The following PTPRE variants were observed in gnomAD, a reference collection of about 807,000 sequenced individuals.
PTPRE encodes the protein protein tyrosine phosphatase receptor type E.
PTPRE carries 51 observed loss-of-function variants against 102.0 expected under a neutral mutation model. The observed-to-expected ratio is 0.50, with a 90% CI of 0.40 to 0.63. PTPRE has a LOEUF of 0.63. Among genes scored for constraint, PTPRE ranks in the 30% least tolerant of loss-of-function variants. PTPRE has a pLI of 0.00. For missense variants in PTPRE, 752 were observed against 915.1 expected (o/e 0.82, Z 2.30); for synonymous variants, 345 against 348.2 (o/e 0.99, Z 0.10).
chr10:128,039,769 C>T (rs1485452681), intron 2 of PTPRE, among the ~76,000 whole-genome samples: 1 of 120,302 alleles, frequency 8.3e-6, no homozygotes. Flanking sequence ...TGACCTTGGA[C>T]GGGGTTCAGG....
intron 10 of PTPRE, 141 bp downstream of exon 10, chr10:128,063,321 G>A (rs1849778546): frequency 1.4e-6 from 2 of 1,425,436 alleles, no homozygotes; most frequent in African/African-American, 1.4e-5. Flanking sequence ...CACATGCAGT[G>A]GCTTACAGCA....
At chr10:128,080,463 G>A (rs1483818916) in intron 20 of PTPRE, among the ~76,000 whole-genome samples, 1 of 152,186 alleles carries the variant, frequency 6.6e-6, no homozygotes, top group Non-Finnish European at 1.5e-5. Context: ...CAGCAGGAGC[G>A]AGGACACCTG....
At chr10:127,969,658 C>T (rs1482404391) in intron 1 of PTPRE, among the ~76,000 whole-genome samples, 1 of 129,408 alleles carries the variant, frequency 7.7e-6, no homozygotes, top group Non-Finnish European at 1.6e-5. Context: ...CAGAGCGATA[C>T]TCTGCCTAAA....
At chr10:127,933,568 C>A (rs532080694) in intron 1 of PTPRE, among the ~76,000 whole-genome samples, 2 of 152,216 alleles carry the variant, frequency 1.3e-5, no homozygotes, top group African/African-American at 4.8e-5. Flanking sequence ...TAAAAATGTG[C>A]TCAGATGTAT....
In PTPRE at chr10:127,980,305, T is replaced by A. The variant is rs891211414; in HGVS notation, c.-30-1969T>A. On this transcript the variant is annotated intron_variant, in intron 1 of 20. Coordinates refer to ENST00000254667, the MANE Select transcript of PTPRE (RefSeq NM_006504.6). ...GCATTATATAGACTATCTTTTAAAT[T>A]TTATTTATAATTGTTGTTTCCATAT... Among the ~76,000 whole-genome samples the A allele has an allele frequency of 2.7e-5, 4 of 150,724 alleles. No homozygotes were observed. The Admixed American group carries it at 2.7e-4, about 10-fold the overall frequency.
rs528197318 is a variant in PTPRE, at chr10:127,907,305, C to T, written c.-35C>T. The T allele has an allele frequency of 2.0e-6, 2 of 984,682 alleles. No homozygotes were observed. The highest frequency in any genetic ancestry group is 2.4e-6 in the Non-Finnish European group (2 of 829,744). The allele number at this position is 984,682 out of a possible 1,614,324, so 61.0% of individuals were successfully genotyped here. A position where few individuals can be genotyped will look rare whatever the true frequency, so the allele number is the denominator to read the frequency against. ...GATCTGCGCGACCAGACCGGCCCCC[C>T]CGAGGTGAGCGCGCGTGCGGACAGG... On this transcript the variant is annotated 5_prime_UTR_variant, in exon 1 of 21. Coordinates refer to ENST00000254667, the MANE Select transcript of PTPRE (RefSeq NM_006504.6). The surrounding 1 kb of genome is among the most constrained non-coding windows in gnomAD (Gnocchi z 4.8).
At chr10:128,022,852 G>A (rs1846013939) in intron 2 of PTPRE, among the ~76,000 whole-genome samples, 1 of 152,238 alleles carries the variant, frequency 6.6e-6, no homozygotes. Context: ...CGATTGGAAA[G>A]AAACCGCCAT....
Position 128,069,847 on chromosome 10 carries a change from T to A in PTPRE, c.1143+20T>A, listed in dbSNP as rs374272784. On this transcript the variant is annotated intron_variant, in intron 13 of 20. Coordinates refer to ENST00000254667, the MANE Select transcript of PTPRE (RefSeq NM_006504.6). ...ACGGATGTGAGTCATGCCTTCCTCT[T>A]GCCCTGATCTAGCTTCCCAAAGCAA... 19 of 1,614,094 alleles carry A rather than the reference T, an allele frequency of 1.2e-5. No individual in the cohort carries two copies. The highest frequency in any genetic ancestry group is 1.1e-5 in the Non-Finnish European group (13 of 1,180,034).
chr10:127,917,079 G>GGTTGGATTTA (rs1242425979), intron 1 of PTPRE, among the ~76,000 whole-genome samples: 1 of 151,916 alleles, frequency 6.6e-6, no homozygotes, highest in African/African-American at 2.4e-5. Context: ...CGACTCAGCA[G>GGTTGGATTTA]GTTGGATTTA....
intron 1 of PTPRE, among the ~76,000 whole-genome samples, chr10:127,919,493 C>T (rs1457394819): frequency 1.3e-5 from 2 of 152,218 alleles, no homozygotes; most frequent in Non-Finnish European, 2.9e-5. Context: ...CTGTTCTGTG[C>T]TGCCTCTAGT....
chr10:128,035,687 AG>A (rs1385446065), intron 2 of PTPRE, among the ~76,000 whole-genome samples: 3 of 152,212 alleles, frequency 2.0e-5, no homozygotes, highest in Non-Finnish European at 4.4e-5. Context: ...TTGGAGCTGC[AG>A]GGGGCAGTGT....
intron 1 of PTPRE, among the ~76,000 whole-genome samples, chr10:127,912,909 C>T (rs1468005510): frequency 6.6e-6 from 1 of 152,224 alleles, no homozygotes; most frequent in Non-Finnish European, 1.5e-5. Context: ...GCCTTCCCTG[C>T]CATGATTTTA....
intron 1 of PTPRE, among the ~76,000 whole-genome samples, chr10:127,955,051 A>G (rs1849297724): frequency 6.6e-6 from 1 of 151,952 alleles, no homozygotes; most frequent in Non-Finnish European, 1.5e-5. Flanking sequence ...CCAGACTACC[A>G]ATGGGAAATT....
intron 2 of PTPRE, among the ~76,000 whole-genome samples, chr10:128,027,664 C>G (rs548668167): frequency 4.6e-5 from 7 of 152,170 alleles, no homozygotes; most frequent in African/African-American, 1.7e-4. Context: ...GAAAGGTATC[C>G]GGGCATCATT....
rs769918350 is a variant in PTPRE, at chr10:128,070,492, C to A, written c.1293+42C>A. 1.3e-6 allele frequency: 2 copies of A among 1,593,026 alleles called. No individual in the cohort carries two copies. Among genetic ancestry groups the A allele is most frequent in the African/African-American group, 2.7e-5 (2 of 74,364 alleles). ...CTCCTCTCCATCCTGGTGTAAGCAG[C>A]CAAGGGCACGAGGAAAACAGGTGAC... On this transcript the variant is annotated intron_variant, in intron 14 of 20. Transcript: ENST00000254667. The surrounding 1 kb of genome is among the most constrained non-coding windows in gnomAD (Gnocchi z 4.8).
chr10:128,006,246 C>T (rs1428043017), intron 2 of PTPRE, among the ~76,000 whole-genome samples: 5 of 152,224 alleles, frequency 3.3e-5, no homozygotes, highest in African/African-American at 1.2e-4. Flanking sequence ...CAACCTGGTG[C>T]ATCCACTTTC....
At chr10:128,067,687 C>T (rs969356793) in intron 11 of PTPRE, among the ~76,000 whole-genome samples, 3 of 152,248 alleles carry the variant, frequency 2.0e-5, no homozygotes, top group Non-Finnish European at 4.4e-5. Context: ...CTCCAAAGAG[C>T]AGGCCGACTG....
At chr10:127,970,107 G>A (rs1228219272) in intron 1 of PTPRE, among the ~76,000 whole-genome samples, 1 of 152,170 alleles carries the variant, frequency 6.6e-6, no homozygotes, top group African/African-American at 2.4e-5. Flanking sequence ...AAAAGAGCCA[G>A]TAACCAAGGG....
intron 1 of PTPRE, among the ~76,000 whole-genome samples, chr10:127,949,844 G>C (rs984500058): frequency 3.3e-5 from 5 of 152,118 alleles, no homozygotes; most frequent in African/African-American, 1.2e-4. Flanking sequence ...GGGAAACGTG[G>C]GGAGACCTTG....
Sources: allele counts gnomAD v4.1 joint callset (sites outside exome capture counted in the v4.1 genomes callset), GRCh38; gene constraint gnomAD v4.1.1; non-coding constraint Gnocchi (gnomAD v3.1); transcripts MANE v1.5; gene names NCBI Gene and HGNC (gene_info 2026-07-23, HGNC 2026-07-21).